Variants in OSTF1 observed in about 807,000 individuals in gnomAD.
OSTF1 encodes osteoclast stimulating factor 1.
OSTF1 carries 27 observed loss-of-function variants against 37.2 expected under a neutral mutation model. The observed-to-expected ratio is 0.73, with a 90% CI of 0.54 to 1.00. The LOEUF is 1.00. OSTF1 is among the 50% of genes least tolerant of loss of function. OSTF1 has a pLI of 0.00. For missense variants in OSTF1, 232 were observed against 253.8 expected (o/e 0.91, Z 0.58); for synonymous variants, 82 against 89.2 (o/e 0.92, Z 0.46).
At chr9:75,088,750 T>G (rs1333922514) in intron 1 of OSTF1, 24 bp downstream of exon 1, 3 of 1,594,940 alleles carry the variant, frequency 1.9e-6, no homozygotes, top group Non-Finnish European at 2.6e-6. Context: ...GGTAGGCGCT[T>G]GCCAGGTCCT....
At chr9:75,144,420 TG>T (rs1407462467) in intron 9 of OSTF1, among the ~76,000 whole-genome samples, 2 of 152,120 alleles carry the variant, frequency 1.3e-5, no homozygotes, top group Middle Eastern at 3.2e-3. Flanking sequence ...AGTGTGGTGC[TG>T]CATGCCTGTA....
At chr9:75,133,170 A>G (rs1278374059) in intron 5 of OSTF1, 124 bp from the exon 6 acceptor site, 2 of 609,638 alleles carry the variant, frequency 3.3e-6, no homozygotes. Flanking sequence ...GGGAGGTCTT[A>G]ATTTAATACT....
chr9:75,117,793 A>G (rs1425512718), intron 2 of OSTF1, among the ~76,000 whole-genome samples: 1 of 152,218 alleles, frequency 6.6e-6, no homozygotes, highest in Admixed American at 6.5e-5. Context: ...CTGCTTTCAA[A>G]TTGACAAGTG....
intron 1 of OSTF1, among the ~76,000 whole-genome samples, chr9:75,109,512 G>T (rs1274796225): frequency 6.6e-6 from 1 of 152,192 alleles, no homozygotes; most frequent in Admixed American, 6.5e-5. Flanking sequence ...CTTCTATTAT[G>T]TATAGTGTAC....
At chr9:75,132,421 C>T (rs569126556) in intron 5 of OSTF1, among the ~76,000 whole-genome samples, 23 of 152,212 alleles carry the variant, frequency 1.5e-4, no homozygotes, top group African/African-American at 3.6e-4. Context: ...TCACAAACCC[C>T]GAGGGTATTT....
In OSTF1 at chr9:75,139,027, C is replaced by CTTTCTTTCTTTCT. The variant is rs566366498; in HGVS notation, c.487+1413_487+1414insTCTTTCTTTCTTT. On this transcript the variant is annotated intron_variant, in intron 8 of 9. Coordinates refer to ENST00000346234, the MANE Select transcript of OSTF1 (RefSeq NM_012383.5). The stretch of plus-strand genomic sequence containing the variant: ...TTCTTTGCCTTTAAATTTGGGGACA[C>CTTTCTTTCTTTCT]TTCTTTCTTTCTTTCTTTCTTTCTT... 6.1e-4 allele frequency among the ~76,000 whole-genome samples: 73 copies of CTTTCTTTCTTTCT among 120,544 alleles called. 2 individuals carry two copies. Among genetic ancestry groups the CTTTCTTTCTTTCT allele is most frequent in the African/African-American group, 1.3e-3 (41 of 31,370 alleles). The allele number at this position is 120,544 out of a possible 152,430, so 79.1% of individuals were successfully genotyped here. A position where few individuals can be genotyped will look rare whatever the true frequency, so the allele number is the denominator to read the frequency against.
chr9:75,094,984 C>T (rs1399739204), intron 1 of OSTF1, among the ~76,000 whole-genome samples: 2 of 152,072 alleles, frequency 1.3e-5, no homozygotes, highest in Non-Finnish European at 2.9e-5. Context: ...AGGCCAAGAT[C>T]GTGCCACTGC....
chr9:75,145,967 A>G (rs1039663468), intron 9 of OSTF1, among the ~76,000 whole-genome samples: 1 of 152,200 alleles, frequency 6.6e-6, no homozygotes, highest in Non-Finnish European at 1.5e-5. Flanking sequence ...CTTAGAGATC[A>G]TGAAGATCTG....
At chr9:75,108,059 C>A (rs1056708044) in intron 1 of OSTF1, among the ~76,000 whole-genome samples, 1 of 151,812 alleles carries the variant, frequency 6.6e-6, no homozygotes, top group African/African-American at 2.4e-5. Context: ...CAACATGACT[C>A]CCGTCTCTAC....
At chr9:75,102,424 A>G (rs1825209743) in intron 1 of OSTF1, among the ~76,000 whole-genome samples, 1 of 152,256 alleles carries the variant, frequency 6.6e-6, no homozygotes, top group African/African-American at 2.4e-5. Context: ...GTCTTGAAGA[A>G]AAGAAAATAG....
At chr9:75,145,576 C>G (rs889932219) in intron 9 of OSTF1, among the ~76,000 whole-genome samples, 1 of 151,922 alleles carries the variant, frequency 6.6e-6, no homozygotes, top group African/African-American at 2.4e-5. Flanking sequence ...GAAAAGTTTT[C>G]CCTCATCAAT....
chr9:75,145,162 C>CTGT (rs72279666), intron 9 of OSTF1, among the ~76,000 whole-genome samples: 3 of 144,188 alleles, frequency 2.1e-5, no homozygotes, highest in Non-Finnish European at 3.0e-5. Context: ...TATCTATCTA[C>CTGT]CTATCTATCT....
intron 6 of OSTF1, among the ~76,000 whole-genome samples, chr9:75,133,834 C>T (rs1825803531): frequency 6.6e-6 from 1 of 152,136 alleles, no homozygotes; most frequent in South Asian, 2.1e-4. Flanking sequence ...TTAGTGATTC[C>T]ATTGATACTT....
intron 1 of OSTF1, among the ~76,000 whole-genome samples, chr9:75,106,775 G>A (rs559628961): frequency 7.3e-5 from 11 of 150,976 alleles, no homozygotes; most frequent in African/African-American, 2.7e-4. Context: ...CCAACATGGT[G>A]AAACCCCGTC....
At position 75,111,811 on chromosome 9, in the gene OSTF1, C is replaced by CTTTTTTTTT. The variant is rs535464490; in HGVS notation, c.35-5671_35-5663dup. ...TGGTGATCTATTAAGATGTTTACTG[C>CTTTTTTTTT]TTTTTTTTTTTTTTTTTTTTTTTTT... On this transcript the variant is annotated intron_variant, in intron 1 of 9. Transcript: ENST00000346234. 4.2e-4 allele frequency among the ~76,000 whole-genome samples: 22 copies of CTTTTTTTTT among 52,160 alleles called. 4 individuals are homozygous for CTTTTTTTTT. The highest frequency in any genetic ancestry group is 1.0e-3 in the Admixed American group (3 of 2,996). 34.2% of individuals were successfully genotyped at this position (52,160 alleles called of 152,430 possible). A position where few individuals can be genotyped will look rare whatever the true frequency, so the allele number is the denominator to read the frequency against.
At chr9:75,115,199 G>C (rs975203347) in intron 1 of OSTF1, among the ~76,000 whole-genome samples, 3 of 152,112 alleles carry the variant, frequency 2.0e-5, no homozygotes, top group Non-Finnish European at 4.4e-5. Context: ...CACCTTGGAG[G>C]CCACTGTTCT....
chr9:75,101,126 C>A (rs979114593), intron 1 of OSTF1, among the ~76,000 whole-genome samples: 1 of 152,186 alleles, frequency 6.6e-6, no homozygotes. Flanking sequence ...TTCTGCTTAG[C>A]CCCTCCTTCC....
At chr9:75,145,165 A>G (rs947401684) in intron 9 of OSTF1, among the ~76,000 whole-genome samples, 1 of 63,668 alleles carries the variant, frequency 1.6e-5, no homozygotes, top group Non-Finnish European at 3.1e-5. Context: ...CTATCTACCT[A>G]TCTATCTATC....
At chr9:75,134,544 C>T in intron 7 of OSTF1, 149 bp downstream of exon 7, 1 of 548,076 alleles carries the variant, frequency 1.8e-6, no homozygotes, top group East Asian at 3.4e-5. Flanking sequence ...AAATTATCCA[C>T]AGCCCCAAGT....
Sources: allele counts gnomAD v4.1 joint callset (sites outside exome capture counted in the v4.1 genomes callset), GRCh38; gene constraint gnomAD v4.1.1; transcripts MANE v1.5; gene names NCBI Gene and HGNC (gene_info 2026-07-23, HGNC 2026-07-21).